The following SH2D4B variants were observed in gnomAD, a reference collection of about 807,000 sequenced individuals.
SH2D4B encodes the protein SH2 domain-containing protein 4B.
SH2D4B carries 45 observed loss-of-function variants against 61.5 expected under a neutral mutation model. That is an observed-to-expected ratio of 0.73 (90% CI 0.58 to 0.94). SH2D4B has a LOEUF of 0.94. Among genes scored for constraint, SH2D4B ranks in the 40% least tolerant of loss-of-function variants. SH2D4B has a pLI of 0.00. For synonymous variants in SH2D4B, 224 were observed against 220.4 expected, an observed-to-expected ratio of 1.02 and a Z score of -0.14; for missense variants, 572 against 574.2, an observed-to-expected ratio of 1.00 and a Z score of 0.04.
chr10:80,609,681 C>T lies in SH2D4B; in HGVS notation c.988+130C>T, dbSNP rs1376380622. On this transcript the variant is annotated intron_variant, in intron 6 of 7. Coordinates refer to ENST00000646907, the MANE Select transcript of SH2D4B (RefSeq NM_001388272.1). ...GACTTTAAGCAATCTCCATTCTGTC[C>T]CTCTCCCAGTGGGAGTCCAGGAGGC... 6 of 1,442,028 alleles carry T rather than the reference C, an allele frequency of 4.2e-6. No individual in the cohort carries two copies. In the East Asian group the frequency reaches 1.2e-4, roughly 28 times the overall value. The allele number at this position is 1,442,028 out of a possible 1,614,324, so 89.3% of individuals were successfully genotyped here. A position where few individuals can be genotyped will look rare whatever the true frequency, so the allele number is the denominator to read the frequency against.
At chr10:80,632,685 G>T (rs928798402) in intron 6 of SH2D4B, among the ~76,000 whole-genome samples, 9 of 152,076 alleles carry the variant, frequency 5.9e-5, no homozygotes, top group African/African-American at 2.2e-4. Flanking sequence ...GGGCAGGGAG[G>T]TAGGTGAAGG....
chr10:80,596,456 A>G (rs1278940806), intron 4 of SH2D4B, among the ~76,000 whole-genome samples: 1 of 152,204 alleles, frequency 6.6e-6, no homozygotes, highest in African/African-American at 2.4e-5. Context: ...CAGACTCAAT[A>G]GGGAGGTCGG....
intron 1 of SH2D4B, among the ~76,000 whole-genome samples, chr10:80,559,714 T>C (rs1200442021): frequency 6.6e-6 from 1 of 150,922 alleles, no homozygotes; most frequent in Non-Finnish European, 1.5e-5. Context: ...CATGGCTCAC[T>C]GTAGCCTTGA....
intron 7 of SH2D4B, among the ~76,000 whole-genome samples, chr10:80,634,823 C>A (rs988522885): frequency 6.6e-6 from 1 of 152,194 alleles, no homozygotes; most frequent in East Asian, 1.9e-4. Context: ...TTTCTCCAAG[C>A]CTGGGTCTCA....
intron 6 of SH2D4B, among the ~76,000 whole-genome samples, chr10:80,618,980 A>G (rs1014199070): frequency 2.6e-5 from 4 of 152,220 alleles, no homozygotes; most frequent in African/African-American, 9.6e-5. Context: ...GTATACTTAC[A>G]ATGCCTTTCC....
chr10:80,541,593 T>A (rs1488568379), intron 1 of SH2D4B, among the ~76,000 whole-genome samples: 1 of 152,108 alleles, frequency 6.6e-6, no homozygotes, highest in Non-Finnish European at 1.5e-5. Context: ...CCCTCTCCCC[T>A]CTTTTCTGGG....
At chr10:80,603,494 C>T (rs1842475489) in intron 4 of SH2D4B, 85 bp from the exon 5 acceptor site, 3 of 1,302,006 alleles carry the variant, frequency 2.3e-6, no homozygotes, top group Non-Finnish European at 3.1e-6. Context: ...TACTTTTGCA[C>T]CAACCAAATA....
At chr10:80,593,674 T>C (rs1842357074) in intron 4 of SH2D4B, among the ~76,000 whole-genome samples, 1 of 152,220 alleles carries the variant, frequency 6.6e-6, no homozygotes, top group South Asian at 2.1e-4. Context: ...CCTTTCCAGT[T>C]TGGATTCCTT....
chr10:80,542,842 G>C (rs1464407252), intron 1 of SH2D4B, among the ~76,000 whole-genome samples: 3 of 152,110 alleles, frequency 2.0e-5, no homozygotes. Context: ...AATCAAGCCT[G>C]CACACTCAGG....
chr10:80,574,326 A>G (rs934453006), intron 3 of SH2D4B, among the ~76,000 whole-genome samples: 2 of 152,082 alleles, frequency 1.3e-5, no homozygotes, highest in African/African-American at 4.8e-5. Flanking sequence ...TTGTAGAGAC[A>G]GGATTTCACC....
Position 80,632,708 on chromosome 10 carries a change from T to G in SH2D4B, c.989-1577T>G, listed in dbSNP as rs561789061. Reference sequence around the variant, plus strand: ...AGGTAGGTGAAGGACAGTGCCAACTTTTGAGGGATCCTGGACTTTCCCTTC... The same window carrying G: ...AGGTAGGTGAAGGACAGTGCCAACTGTTGAGGGATCCTGGACTTTCCCTTC... On this transcript the variant is annotated intron_variant, in intron 6 of 7. Coordinates refer to ENST00000646907, the MANE Select transcript of SH2D4B (RefSeq NM_001388272.1). Among the ~76,000 whole-genome samples the G allele has an allele frequency of 2.0e-3, 297 of 152,160 alleles. 1 individual carries two copies. Among genetic ancestry groups the G allele is most frequent in the African/African-American group, 6.8e-3 (281 of 41,536 alleles).
At chr10:80,543,096 G>A (rs7079069) in intron 1 of SH2D4B, among the ~76,000 whole-genome samples, 12,258 of 152,016 alleles carry the variant, frequency 0.081, 1,140 homozygotes, top group East Asian at 0.29. Flanking sequence ...AGGTGACAGC[G>A]TGCTGGCTGT....
chr10:80,577,976 CTT>C (rs760976545), intron 3 of SH2D4B, among the ~76,000 whole-genome samples: 34 of 145,966 alleles, frequency 2.3e-4, no homozygotes, highest in African/African-American at 7.8e-4. Context: ...TTTTTTCTTT[CTT>C]TTTTTTTTTC....
At chr10:80,592,561 G>C (rs942465256) in intron 4 of SH2D4B, among the ~76,000 whole-genome samples, 2 of 152,082 alleles carry the variant, frequency 1.3e-5, no homozygotes, top group Admixed American at 1.3e-4. Context: ...TGTGAGGTAG[G>C]GTTCCTACTT....
intron 5 of SH2D4B, among the ~76,000 whole-genome samples, chr10:80,607,698 C>A (rs1048237167): frequency 1.1e-4 from 16 of 152,106 alleles, no homozygotes; most frequent in Admixed American, 1.0e-3. Flanking sequence ...GGGTACAGGG[C>A]AAATATGGAG....
intron 6 of SH2D4B, among the ~76,000 whole-genome samples, chr10:80,629,274 CTT>C (rs2132158215): frequency 6.6e-6 from 1 of 152,204 alleles, no homozygotes; most frequent in South Asian, 2.1e-4. Flanking sequence ...ATCCTACAGA[CTT>C]TTAAACAACC....
At chr10:80,556,942 G>C (rs953250834) in intron 1 of SH2D4B, among the ~76,000 whole-genome samples, 3 of 152,062 alleles carry the variant, frequency 2.0e-5, no homozygotes, top group Admixed American at 1.3e-4. Context: ...ATGTTAAATA[G>C]ATATGGAGAG....
intron 2 of SH2D4B, 54 bp downstream of exon 2, chr10:80,570,370 GC>G (rs2132117834): frequency 6.3e-7 from 1 of 1,587,136 alleles, no homozygotes; most frequent in South Asian, 1.1e-5. Flanking sequence ...GCTATGCTTA[GC>G]CCCACGCACG....
intron 3 of SH2D4B, among the ~76,000 whole-genome samples, chr10:80,581,209 A>C (rs1842181677): frequency 6.6e-6 from 1 of 152,154 alleles, no homozygotes; most frequent in African/African-American, 2.4e-5. Flanking sequence ...GAACTGATTG[A>C]ACATGGCCCT....
Sources: gnomAD v4.1 joint callset for allele counts (sites outside exome capture counted in the v4.1 genomes callset) on GRCh38, gnomAD v4.1.1 for gene constraint, MANE v1.5 for transcripts, NCBI Gene and HGNC (gene_info 2026-07-23, HGNC 2026-07-21) for gene names.